PLCL1: variants seen among roughly 807,000 people sequenced by gnomAD.
PLCL1 encodes phospholipase C like 1 (inactive), also known as inactive phospholipase C-like protein 1.
A neutral mutation model predicts 84.4 loss-of-function variants in PLCL1; 41 were observed. The observed-to-expected ratio is 0.49, with a 90% CI of 0.38 to 0.63. The LOEUF (loss-of-function observed/expected upper bound fraction) is 0.63. PLCL1 is among the 30% of genes least tolerant of loss of function. The pLI, the probability that PLCL1 is intolerant of heterozygous loss-of-function variation, is 0.00. For missense variants in PLCL1, 1,206 were observed against 1,367.8 expected (o/e 0.88, Z 1.87); for synonymous variants, 490 against 488.3 (o/e 1.00, Z -0.05).
chr2:198,131,135 G>A (rs1327175847), intron 5 of PLCL1, among the ~76,000 whole-genome samples: 2 of 152,188 alleles, frequency 1.3e-5, no homozygotes, highest in African/African-American at 4.8e-5. Flanking sequence ...ATGCTGAGTA[G>A]TCACATGGAC....
intron 5 of PLCL1, among the ~76,000 whole-genome samples, chr2:198,125,571 G>T (rs1693965441): frequency 6.6e-6 from 1 of 151,960 alleles, no homozygotes; most frequent in African/African-American, 2.4e-5. Context: ...AAGAAGAAAA[G>T]AATATGTGGG....
chr2:198,085,268 A>T lies in PLCL1; in HGVS notation c.1751A>T (p.Glu584Val). Reference sequence around the variant, plus strand: ...CAGAAGCAAATCCGACTCTGTAGGGAGCTCTCTGATTTGGTGTCTATTTGT... The same window carrying T: ...CAGAAGCAAATCCGACTCTGTAGGGTGCTCTCTGATTTGGTGTCTATTTGT... ...GEQKQIRLCRELSDLVSICKS... is the reference protein window; with the variant it reads ...GEQKQIRLCRVLSDLVSICKS... The change falls in exon 2 of 6, where the codon GAG becomes GTG. Residue 584 changes from glutamate to valine, a missense_variant. Coordinates refer to ENST00000428675, the MANE Select transcript of PLCL1 (RefSeq NM_006226.4). The surrounding 1 kb of genome is among the most constrained non-coding windows in gnomAD (Gnocchi z 5.3). The T allele has an allele frequency of 6.2e-7, 1 of 1,613,988 alleles. No homozygotes were observed. Among genetic ancestry groups the T allele is most frequent in the Non-Finnish European group, 8.5e-7 (1 of 1,179,878 alleles).
In PLCL1 at chr2:197,805,361, CG is replaced by C; in HGVS notation, c.240+25del. The C allele has an allele frequency of 4.5e-6, 6 of 1,338,052 alleles. No homozygotes were observed. Among genetic ancestry groups the C allele is most frequent in the Non-Finnish European group, 5.7e-6 (6 of 1,050,158 alleles). 82.9% of individuals were successfully genotyped at this position (1,338,052 alleles called of 1,614,324 possible). The stretch of plus-strand genomic sequence containing the variant: ...CAAGGTAAGCAAAGCCGCGCCGCAC[CG>C]GGAGCGTGGCTGTGGGTGATGGGTG... On this transcript the variant is annotated intron_variant, in intron 1 of 5. Transcript: ENST00000428675. This position sits in a 1 kb window ranked among gnomAD's most constrained non-coding sequence, Gnocchi z 4.0.
Position 197,903,468 on chromosome 2 carries a change from ATTTTTTTTTTTT to A in PLCL1, c.240+98151_240+98162del, listed in dbSNP as rs3056105. On this transcript the variant is annotated intron_variant, in intron 1 of 5. Transcript: ENST00000428675. ...GTATCTTCCTTTTTACTCCATTTAA[ATTTTTTTTTTTT>A]TTTTTTTTTTTTTTTTTTTTTGAGA... 5.8e-3 allele frequency among the ~76,000 whole-genome samples: 276 copies of A among 47,814 alleles called. 3 individuals carry two copies. The highest frequency in any genetic ancestry group is 0.023 in the African/African-American group (253 of 11,142). 31.4% of individuals were successfully genotyped at this position (47,814 alleles called of 152,430 possible).
chr2:197,867,974 T>A (rs549761603), intron 1 of PLCL1, among the ~76,000 whole-genome samples: 1 of 152,334 alleles, frequency 6.6e-6, no homozygotes, highest in African/African-American at 2.4e-5. Flanking sequence ...ATGAGTATAC[T>A]GTATACTTTA....
chr2:198,066,720 C>A (rs1398411972), intron 1 of PLCL1, among the ~76,000 whole-genome samples: 1 of 152,174 alleles, frequency 6.6e-6, no homozygotes, highest in African/African-American at 2.4e-5. Context: ...TCCCTCCTCT[C>A]CTATGCATTT....
At chr2:197,927,199 C>T (rs1481667013) in intron 1 of PLCL1, among the ~76,000 whole-genome samples, 1 of 152,154 alleles carries the variant, frequency 6.6e-6, no homozygotes, top group Admixed American at 6.5e-5. Context: ...TTTTATCTAT[C>T]ACAGTTATTG....
intron 1 of PLCL1, among the ~76,000 whole-genome samples, chr2:197,948,598 G>A (rs1031308450): frequency 6.6e-6 from 1 of 151,990 alleles, no homozygotes; most frequent in Non-Finnish European, 1.5e-5. Flanking sequence ...GAACTTTCTA[G>A]AGGTTTAAAC....
chr2:197,860,330 A>G (rs910434651), intron 1 of PLCL1, among the ~76,000 whole-genome samples: 3 of 152,160 alleles, frequency 2.0e-5, no homozygotes, highest in Admixed American at 2.0e-4. Flanking sequence ...TAGTCCTGCA[A>G]TGAACACATG....
At chr2:197,911,053 C>T (rs1688475573) in intron 1 of PLCL1, among the ~76,000 whole-genome samples, 1 of 152,144 alleles carries the variant, frequency 6.6e-6, no homozygotes, top group African/African-American at 2.4e-5. Context: ...TATTCAAAAA[C>T]TCCAAAAGCA....
intron 1 of PLCL1, among the ~76,000 whole-genome samples, chr2:197,915,347 A>C (rs1466360088): frequency 1.3e-5 from 2 of 152,198 alleles, no homozygotes; most frequent in Non-Finnish European, 2.9e-5. Flanking sequence ...TCAAGATGCC[A>C]AGTCTAAATC....
intron 1 of PLCL1, among the ~76,000 whole-genome samples, chr2:197,864,274 G>T (rs1380646902): frequency 1.3e-5 from 2 of 151,526 alleles, no homozygotes; most frequent in Non-Finnish European, 2.9e-5. Flanking sequence ...GTCCCTCCAG[G>T]TGGCATTTAA....
At chr2:197,856,327 C>A (rs1490283524) in intron 1 of PLCL1, among the ~76,000 whole-genome samples, 1 of 151,866 alleles carries the variant, frequency 6.6e-6, no homozygotes, top group Non-Finnish European at 1.5e-5. Flanking sequence ...AGATAGAAGT[C>A]GAGATAAGTT....
chr2:197,901,152 A>G (rs1688258344), intron 1 of PLCL1, among the ~76,000 whole-genome samples: 1 of 152,244 alleles, frequency 6.6e-6, no homozygotes, highest in Admixed American at 6.5e-5. Flanking sequence ...GCTACAGACA[A>G]TAGAAGTGAA....
chr2:198,056,511 T>A (rs922310054), intron 1 of PLCL1, among the ~76,000 whole-genome samples: 4 of 152,200 alleles, frequency 2.6e-5, no homozygotes, highest in Non-Finnish European at 5.9e-5. Flanking sequence ...CACTTCGTGA[T>A]CTTGGGCAGG....
chr2:197,936,929 T>G (rs1689066031), intron 1 of PLCL1, among the ~76,000 whole-genome samples: 1 of 152,312 alleles, frequency 6.6e-6, no homozygotes, highest in East Asian at 1.9e-4. Context: ...TATATTTAAG[T>G]CTTCAATCTG....
At chr2:198,047,127 T>C (rs1691823148) in intron 1 of PLCL1, among the ~76,000 whole-genome samples, 2 of 151,780 alleles carry the variant, frequency 1.3e-5, no homozygotes, top group South Asian at 4.2e-4. Flanking sequence ...TGTACTAGGC[T>C]TGCTTGAGTA....
At chr2:197,999,041 G>C (rs1326588226) in intron 1 of PLCL1, among the ~76,000 whole-genome samples, 1 of 152,166 alleles carries the variant, frequency 6.6e-6, no homozygotes, top group African/African-American at 2.4e-5. Flanking sequence ...TGTGGCCATG[G>C]GTAGGACAGC....
chr2:198,012,690 C>G (rs1181194337), intron 1 of PLCL1, among the ~76,000 whole-genome samples: 1 of 150,728 alleles, frequency 6.6e-6, no homozygotes, highest in Non-Finnish European at 1.5e-5. Context: ...TGATTCTCCT[C>G]TCATTTTCCT....
Sources: allele counts gnomAD v4.1 joint callset (sites outside exome capture counted in the v4.1 genomes callset), GRCh38; gene constraint gnomAD v4.1.1; non-coding constraint Gnocchi (gnomAD v3.1); transcripts MANE v1.5; gene names NCBI Gene and HGNC (gene_info 2026-07-23, HGNC 2026-07-21).